Variants in ROBO2 observed in about 807,000 individuals in gnomAD.
ROBO2 encodes the protein roundabout guidance receptor 2, also known as roundabout homolog 2.
A neutral mutation model predicts 160.8 loss-of-function variants in ROBO2; 53 were observed. The ratio of observed to expected loss-of-function variants is 0.33; its 90% CI spans 0.26 to 0.41. The LOEUF (loss-of-function observed/expected upper bound fraction) is 0.41, where lower values mean the gene tolerates loss of function less well. ROBO2 is among the 10% of genes least tolerant of loss of function. The pLI, the probability that ROBO2 is intolerant of heterozygous loss-of-function variation, is 1.00. For missense variants in ROBO2, 1,577 were observed against 1,722.4 expected (o/e 0.92, Z 1.49); for synonymous variants, 664 against 611.7 (o/e 1.09, Z -1.26).
intron 2 of ROBO2, among the ~76,000 whole-genome samples, chr3:76,278,394 T>G (rs1708052429): frequency 6.6e-6 from 1 of 151,994 alleles, no homozygotes; most frequent in Non-Finnish European, 1.5e-5. Context: ...GTCTAGATTG[T>G]TGAATAGGAT....
rs544926579 is a variant in ROBO2, at chr3:77,165,173, G to A, written c.388+66833G>A. On this transcript the variant is annotated intron_variant, in intron 2 of 25. Transcript: ENST00000461745. ...AATCGGATGGTTGCCGTGTCTGTGT[G>A]GAAAGAAGTAGACATGGGAGACTTT... Among the ~76,000 whole-genome samples, 274 of 151,140 alleles carry A rather than the reference G, an allele frequency of 1.8e-3. 1 individual carries two copies. The highest frequency in any genetic ancestry group is 6.4e-3 in the Admixed American group (97 of 15,134).
intron 2 of ROBO2, among the ~76,000 whole-genome samples, chr3:76,399,603 A>C (rs2108744370): frequency 6.6e-6 from 1 of 151,894 alleles, no homozygotes; most frequent in South Asian, 2.1e-4. Flanking sequence ...TCAGTAAAAT[A>C]GTTCAGAGTG....
At chr3:77,349,960 G>A (rs1034858883) in intron 2 of ROBO2, among the ~76,000 whole-genome samples, 1 of 151,990 alleles carries the variant, frequency 6.6e-6, no homozygotes, top group Non-Finnish European at 1.5e-5. Context: ...CTTATTGAAA[G>A]TTAGTTGACC....
intron 2 of ROBO2, among the ~76,000 whole-genome samples, chr3:77,393,887 A>G (rs2074998906): frequency 6.6e-6 from 1 of 152,086 alleles, no homozygotes; most frequent in African/African-American, 2.4e-5. Flanking sequence ...TAATTTATTA[A>G]AATATAAACT....
intron 2 of ROBO2, among the ~76,000 whole-genome samples, chr3:77,347,608 C>T (rs147250202): frequency 2.4e-4 from 36 of 152,148 alleles, no homozygotes; most frequent in South Asian, 2.3e-3. Flanking sequence ...CCCAAATATT[C>T]TATGCAAACT....
intron 2 of ROBO2, among the ~76,000 whole-genome samples, chr3:76,292,832 A>G (rs956614965): frequency 6.6e-6 from 1 of 152,154 alleles, no homozygotes; most frequent in African/African-American, 2.4e-5. Flanking sequence ...CATTGTAGTT[A>G]TCTGAGTGCA....
intron 2 of ROBO2, among the ~76,000 whole-genome samples, chr3:76,261,300 T>G (rs1276107421): frequency 6.6e-6 from 1 of 151,726 alleles, no homozygotes; most frequent in East Asian, 1.9e-4. Context: ...CCCTTCCTTC[T>G]TTACCTGGAG....
intron 2 of ROBO2, among the ~76,000 whole-genome samples, chr3:76,604,847 GC>G (rs1327639127): frequency 6.6e-6 from 1 of 152,130 alleles, no homozygotes; most frequent in Non-Finnish European, 1.5e-5. Context: ...ATTTTGGAAA[GC>G]CCTTGACCAA....
rs557214437 is a variant in ROBO2, at chr3:77,499,172, TG to T, written c.806+5791del. Among the ~76,000 whole-genome samples the T allele has an allele frequency of 3.6e-4, 55 of 152,344 alleles. No homozygotes were observed. In the South Asian group the frequency reaches 0.011, roughly 32 times the overall value. Reference sequence around the variant, plus strand: ...GGGTTTTAGACTTTAGGCCTTGTTCTGCTACTGTTTGATCATTTAGTTTATT... The same window carrying T: ...GGGTTTTAGACTTTAGGCCTTGTTCTCTACTGTTTGATCATTTAGTTTATT... On this transcript the variant is annotated intron_variant, in intron 5 of 25. Coordinates refer to ENST00000461745, the Ensembl canonical transcript of ROBO2.
At chr3:76,437,520 G>A (rs2076737647) in intron 2 of ROBO2, among the ~76,000 whole-genome samples, 1 of 152,164 alleles carries the variant, frequency 6.6e-6, no homozygotes, top group African/African-American at 2.4e-5. Flanking sequence ...CAATTGAAAT[G>A]TCACATGTGA....
At chr3:77,472,358 T>C (rs989753550) in intron 2 of ROBO2, among the ~76,000 whole-genome samples, 1 of 152,168 alleles carries the variant, frequency 6.6e-6, no homozygotes, top group African/African-American at 2.4e-5. Flanking sequence ...AACCAGTTCA[T>C]AGGAGAGTGT....
chr3:76,880,136 G>A (rs2073184696), intron 2 of ROBO2, among the ~76,000 whole-genome samples: 1 of 152,086 alleles, frequency 6.6e-6, no homozygotes, highest in Admixed American at 6.6e-5. Context: ...CACATGGTCA[G>A]AACAGTCCTT....
At chr3:77,133,169 T>G (rs1026882245) in intron 2 of ROBO2, among the ~76,000 whole-genome samples, 7 of 152,182 alleles carry the variant, frequency 4.6e-5, no homozygotes, top group Non-Finnish European at 1.0e-4. Context: ...CAAAGTTTTT[T>G]GGGGGTCATT....
At chr3:76,051,171 T>C (rs73841101) in intron 2 of ROBO2, among the ~76,000 whole-genome samples, 3,132 of 152,288 alleles carry the variant, frequency 0.021, 43 homozygotes, top group East Asian at 0.081. Context: ...TTTAGTGCCT[T>C]ATTTGAAAAA....
intron 2 of ROBO2, among the ~76,000 whole-genome samples, chr3:76,371,885 A>G (rs923800347): frequency 2.0e-4 from 31 of 152,028 alleles, no homozygotes; most frequent in African/African-American, 7.2e-4. Context: ...AGCCAGCACT[A>G]AAGAATAAAG....
At chr3:77,091,008 AG>A in intron 1 of ROBO2, among the ~76,000 whole-genome samples, 1 of 152,232 alleles carries the variant, frequency 6.6e-6, no homozygotes. Flanking sequence ...TGCTGGAGGA[AG>A]TATATTTCAC....
chr3:76,813,780 A>G (rs1043230364), intron 2 of ROBO2, among the ~76,000 whole-genome samples: 2 of 152,100 alleles, frequency 1.3e-5, no homozygotes, highest in Admixed American at 6.6e-5. Context: ...TGCATTAGAG[A>G]TAATTGAAGA....
At chr3:76,810,978 CA>C (rs2065115174) in intron 2 of ROBO2, among the ~76,000 whole-genome samples, 2 of 152,174 alleles carry the variant, frequency 1.3e-5, no homozygotes, top group African/African-American at 4.8e-5. Flanking sequence ...CCATTTTAAT[CA>C]GTGATTTATC....
chr3:77,581,514 C>A (rs2093919051), intron 16 of ROBO2, among the ~76,000 whole-genome samples: 1 of 151,974 alleles, frequency 6.6e-6, no homozygotes, highest in Admixed American at 6.6e-5. Flanking sequence ...ATATGTTTTT[C>A]TTTCATAGAG....
Sources: gnomAD v4.1 joint callset for allele counts (sites outside exome capture counted in the v4.1 genomes callset) on GRCh38, gnomAD v4.1.1 for gene constraint, MANE v1.5 for transcripts, NCBI Gene and HGNC (gene_info 2026-07-23, HGNC 2026-07-21) for gene names.